The following GLB1L3 variants were observed in gnomAD, a reference collection of about 807,000 sequenced individuals.
The protein encoded by GLB1L3 is galactosidase beta 1 like 3.
Under a neutral mutation model 89.5 loss-of-function variants are expected in GLB1L3, and 89 were observed. The ratio of observed to expected loss-of-function variants is 0.99; its 90% confidence interval spans 0.84 to 1.19. The LOEUF is 1.19. GLB1L3 is among the 50% of genes most tolerant of loss of function. GLB1L3 has a pLI of 0.00. For synonymous variants in GLB1L3, 314 were observed against 312.3 expected, an observed-to-expected ratio of 1.01 and a Z score of -0.06; for missense variants, 812 against 813.3, an observed-to-expected ratio of 1.00 and a Z score of 0.02.
At chr11:134,279,364 C>CTTTTTTTTTTTTTTTTTTTTTTTTTT (rs10577769) in intron 3 of GLB1L3, among the ~76,000 whole-genome samples, 3 of 108,340 alleles carry the variant, frequency 2.8e-5, no homozygotes, top group Non-Finnish European at 5.6e-5. Flanking sequence ...TTTTCTTTTT[C>CTTTTTTTTTTTTTTTTTTTTTTTTTT]TTTTTTTTTT....
chr11:134,290,782 C>T (rs1205126568), intron 7 of GLB1L3, among the ~76,000 whole-genome samples: 1 of 152,040 alleles, frequency 6.6e-6, no homozygotes, highest in Non-Finnish European at 1.5e-5. Context: ...TGTTCGGCAG[C>T]ACCTGAGCTT....
At chr11:134,299,350 T>G (rs990411478) in intron 9 of GLB1L3, among the ~76,000 whole-genome samples, 1 of 152,174 alleles carries the variant, frequency 6.6e-6, no homozygotes, top group African/African-American at 2.4e-5. Context: ...TTTTCTTGCC[T>G]TTTTGTATGT....
rs1280620746 is a variant in GLB1L3 at position 134,276,554 on chromosome 11, G to GCATCC, written c.-186_-182dup. ...GTCCCCGCGGGAGGGAGCCCGACGC[G>GCATCC]CATCCTTGGGACCCGGACCCGGCGC... On this transcript the variant is annotated 5_prime_UTR_variant, in exon 1 of 20. Coordinates refer to ENST00000431683, the MANE Select transcript of GLB1L3 (RefSeq NM_001080407.3). 2.3e-6 allele frequency: 1 copy of GCATCC among 442,300 alleles called. No homozygotes were observed. Among genetic ancestry groups the GCATCC allele is most frequent in the Non-Finnish European group, 3.7e-6 (1 of 270,060 alleles). 27.4% of individuals were successfully genotyped at this position (442,300 alleles called of 1,614,324 possible).
intron 6 of GLB1L3, among the ~76,000 whole-genome samples, chr11:134,286,753 G>C (rs1941018580): frequency 6.6e-6 from 1 of 151,426 alleles, no homozygotes; most frequent in Admixed American, 6.6e-5. Context: ...CTCCAGCCTG[G>C]GCGACAGAGC....
intron 6 of GLB1L3, among the ~76,000 whole-genome samples, chr11:134,288,448 C>T (rs755550235): frequency 8.5e-5 from 13 of 152,202 alleles, no homozygotes; most frequent in Non-Finnish European, 1.6e-4. Flanking sequence ...GGGACCCACA[C>T]GCAAGTGGTG....
At chr11:134,313,021 G>A (rs75665436) in intron 15 of GLB1L3, 134 bp downstream of exon 15, 1 of 727,576 alleles carries the variant, frequency 1.4e-6, no homozygotes, top group Non-Finnish European at 2.4e-6. Context: ...GCGGCAGGAA[G>A]TGTGCAGGGC....
chr11:134,280,964 A>G (rs1940652925), intron 3 of GLB1L3, among the ~76,000 whole-genome samples: 1 of 152,218 alleles, frequency 6.6e-6, no homozygotes, highest in Admixed American at 6.5e-5. Context: ...TACCCTTACT[A>G]GATTTACTGT....
Position 134,313,423 on chromosome 11 carries a change from G to A in GLB1L3, c.1528G>A (p.Glu510Lys), listed in dbSNP as rs1298324805. ...CTGCCGATACCTGAGGATCCTGGTG[G>A]AGAATCAAGGACGAGTCAATTTTTC... is the stretch of plus-strand genomic sequence containing the variant. ...RDCRYLRILV[E>K]NQGRVNFSWQ... is the part of the protein sequence containing the mutation. The change falls in exon 16 of 20, where the codon GAG becomes AAG. Residue 510 changes from glutamate (E) to lysine (K), a missense_variant. By Grantham distance (56) the Glu-to-Lys change is moderately conservative (BLOSUM62 1). Coordinates refer to ENST00000431683, the MANE Select transcript of GLB1L3 (RefSeq NM_001080407.3). 1.9e-6 allele frequency: 3 copies of A among 1,584,716 alleles called. No individual in the cohort carries two copies. The African/African-American group carries it at 4.0e-5, about 21-fold the overall frequency.
At chr11:134,321,919 A>T (rs1215301185), downstream of GLB1L3, among the ~76,000 whole-genome samples, 3 of 66,438 alleles carry the variant, frequency 4.5e-5, no homozygotes, top group African/African-American at 9.6e-5. Context: ...AAAGTATAAT[A>T]AAAAAAAAAG....
Position 134,314,031 on chromosome 11 carries a change from A to G in GLB1L3, c.1667+3A>G. On this transcript the variant is annotated splice_donor_region_variant and intron_variant, in intron 17 of 19. Coordinates refer to ENST00000431683, the MANE Select transcript of GLB1L3 (RefSeq NM_001080407.3). ...ATGAAAATGAGCTTCTTTGAGAGGT[A>G]TGCTCCAGCTGGCCCCCAGTGCACA... is the stretch of plus-strand genomic sequence containing the variant. 1 of 1,597,330 alleles carries G rather than the reference A, an allele frequency of 6.3e-7. No individual in the cohort carries two copies. The highest frequency in any genetic ancestry group is 1.7e-5 in the Admixed American group (1 of 59,672).
At chr11:134,280,015 T>C (rs1343098099) in intron 3 of GLB1L3, among the ~76,000 whole-genome samples, 1 of 152,128 alleles carries the variant, frequency 6.6e-6, no homozygotes, top group Non-Finnish European at 1.5e-5. Context: ...TTTTCTAATA[T>C]ATTCCTTCAA....
chr11:134,285,701 G>T (rs900021616), intron 6 of GLB1L3, among the ~76,000 whole-genome samples: 3 of 152,170 alleles, frequency 2.0e-5, no homozygotes, highest in African/African-American at 7.2e-5. Flanking sequence ...AGGATGGCTT[G>T]AGCCCAGTTG....
intron 3 of GLB1L3, 110 bp downstream of exon 3, chr11:134,278,022 C>A: frequency 1.1e-6 from 1 of 933,322 alleles, no homozygotes; most frequent in East Asian, 2.6e-5. Context: ...ACCTTCCGCA[C>A]AGTCGTTTCC....
intron 18 of GLB1L3, among the ~76,000 whole-genome samples, chr11:134,315,111 G>A (rs1942925814): frequency 6.6e-6 from 1 of 151,934 alleles, no homozygotes; most frequent in Non-Finnish European, 1.5e-5. Flanking sequence ...TTTTAAATAT[G>A]TTTTCTTTTG....
intron 9 of GLB1L3, among the ~76,000 whole-genome samples, chr11:134,299,155 A>G (rs967720941): frequency 4.0e-5 from 6 of 149,800 alleles, no homozygotes; most frequent in Admixed American, 2.7e-4. Context: ...TAGTATTTCC[A>G]TTTGCTTCTT....
intron 6 of GLB1L3, among the ~76,000 whole-genome samples, chr11:134,286,747 A>C (rs1016016738): frequency 6.6e-6 from 1 of 151,498 alleles, no homozygotes; most frequent in African/African-American, 2.4e-5. Context: ...ACCGCACTCC[A>C]GCCTGGGCGA....
intron 14 of GLB1L3, 34 bp from the exon 15 acceptor site, chr11:134,312,782 G>A: frequency 6.4e-7 from 1 of 1,564,492 alleles, no homozygotes. Context: ...CTTCGGGTGG[G>A]CCTAGCAGTC....
chr11:134,301,009 G>A (rs1015213314), intron 9 of GLB1L3, among the ~76,000 whole-genome samples: 9 of 152,352 alleles, frequency 5.9e-5, no homozygotes, highest in Admixed American at 5.2e-4. Flanking sequence ...GGGAGTTAAA[G>A]CCAGCATCAG....
intron 8 of GLB1L3, 31 bp downstream of exon 8, chr11:134,292,244 C>A (rs1294012521): frequency 1.3e-6 from 2 of 1,511,078 alleles, no homozygotes; most frequent in Non-Finnish European, 1.8e-6. Flanking sequence ...CACAGGAGAA[C>A]AGGGCTCTCA....
Sources: allele counts gnomAD v4.1 joint callset (sites outside exome capture counted in the v4.1 genomes callset), GRCh38; gene constraint gnomAD v4.1.1; transcripts MANE v1.5; gene names NCBI Gene and HGNC (gene_info 2026-07-23, HGNC 2026-07-21).